TUBGCP2: variants seen among roughly 807,000 people sequenced by gnomAD.
The protein encoded by TUBGCP2 is tubulin gamma complex component 2.
Under a neutral mutation model 92.2 loss-of-function variants are expected in TUBGCP2, and 55 were observed. That is an observed-to-expected ratio of 0.60 (90% CI 0.48 to 0.75). TUBGCP2 has a LOEUF of 0.75. TUBGCP2 is among the 30% of genes least tolerant of loss of function. The probability of loss-of-function intolerance (pLI) is 0.00; values close to 1 mark genes in which losing one functional copy is unlikely to be tolerated. For missense variants in TUBGCP2, 1,093 were observed against 1,188.9 expected (o/e 0.92, Z 1.19); for synonymous variants, 533 against 505.2 (o/e 1.06, Z -0.74).
intron 15 of TUBGCP2, among the ~76,000 whole-genome samples, chr10:133,282,723 G>A (rs1163192561): frequency 3.3e-5 from 5 of 152,354 alleles, no homozygotes; most frequent in African/African-American, 1.2e-4. Context: ...ACCATCGCCA[G>A]TCGGCAGCTG....
At position 133,289,830 on chromosome 10, in the gene TUBGCP2, T is replaced by G; in HGVS notation, c.1354A>C (p.Ser452Arg). The G allele has an allele frequency of 2.3e-6, 1 of 426,234 alleles. No individual in the cohort carries two copies. The highest frequency in any genetic ancestry group is 3.3e-6 in the Non-Finnish European group (1 of 305,926). The allele number at this position is 426,234 out of a possible 1,614,324, so 26.4% of individuals were successfully genotyped here. A position where few individuals can be genotyped will look rare whatever the true frequency, so the allele number is the denominator to read the frequency against. Residue 452 changes from serine (S) to arginine (R), a missense_variant, in exon 9 of 18, where the codon AGC becomes CGC. Ser to Arg is a moderately radical substitution (Grantham distance 110, BLOSUM62 -1). This residue lies in a region of TUBGCP2 where 598 missense variants were observed against 675.5 expected (regional missense o/e 0.89). Coordinates refer to ENST00000252936, the MANE Select transcript of TUBGCP2 (RefSeq NM_006659.4). ...CCCGCCCGCTGCGCCGCACCTGTGC[T>G]GAGGATCTTGTCCGCCATTTTCTGC... is the stretch of plus-strand genomic sequence containing the variant. ...FLQKMADKIL[S>R]TGKYLNVVRE...
intron 7 of TUBGCP2, 44 bp from the exon 8 acceptor site, chr10:133,292,732 GC>G: frequency 6.4e-7 from 1 of 1,574,750 alleles, no homozygotes; most frequent in Non-Finnish European, 8.6e-7. Context: ...GGAAGCGCAC[GC>G]CCAGCCTCTG....
At position 133,293,585 on chromosome 10, in the gene TUBGCP2, G is replaced by A. The variant is rs572042790; in HGVS notation, c.801C>T (p.Ala267=). The A allele has an allele frequency of 8.3e-5, 129 of 1,553,768 alleles. No homozygotes were observed. Among genetic ancestry groups the A allele is most frequent in the African/African-American group, 1.4e-4 (10 of 73,396 alleles). Residue 267 remains alanine, a synonymous_variant, in exon 6 of 18, where the codon GCC becomes GCT. Transcript: ENST00000252936. ...RELVHRILPV[A]ASYSAVTRFI... ...ACCTGGTCACAGCGGAGTAGCTGGC[G>A]GCCACTGGGAGGATCCTGTGCACCA...
At chr10:133,283,781 A>C (rs1485435509) in intron 14 of TUBGCP2, 101 bp downstream of exon 14, 2 of 1,539,062 alleles carry the variant, frequency 1.3e-6, no homozygotes, top group African/African-American at 1.4e-5. Context: ...CCTCTCCTGC[A>C]CTCCCTGCCT....
At chr10:133,300,401 C>A in intron 2 of TUBGCP2, 1 of 261,948 alleles carries the variant, frequency 3.8e-6, no homozygotes, top group East Asian at 8.3e-5. Flanking sequence ...AATAACAAAA[C>A]CCCATTTCTA....
At chr10:133,307,446 G>C (rs1847851823) in intron 1 of TUBGCP2, among the ~76,000 whole-genome samples, 1 of 152,198 alleles carries the variant, frequency 6.6e-6, no homozygotes, top group African/African-American at 2.4e-5. Context: ...TGTACAAATT[G>C]GTTTGAAAAA....
At position 133,289,023 on chromosome 10, in the gene TUBGCP2, G is replaced by GAA. The variant is rs1847206994; in HGVS notation, c.1361-5_1361-4dup. On this transcript the variant is annotated splice_region_variant and splice_polypyrimidine_tract_variant and intron_variant, in intron 9 of 17. Coordinates refer to ENST00000252936, the MANE Select transcript of TUBGCP2 (RefSeq NM_006659.4). The stretch of plus-strand genomic sequence containing the variant: ...TCTGACCACATTTAGATATTTTCCT[G>GAA]AAAACACAGAAATTCAAAATTTTAT... 6.2e-7 allele frequency: 1 copy of GAA among 1,605,024 alleles called. No individual in the cohort carries two copies. The highest frequency in any genetic ancestry group is 1.3e-5 in the African/African-American group (1 of 74,560).
At position 133,279,683 on chromosome 10, in the gene TUBGCP2, A is replaced by G. The variant is rs1349704644; in HGVS notation, c.*83T>C. 35 of 1,457,862 alleles carry G rather than the reference A, an allele frequency of 2.4e-5. No homozygotes were observed. The highest frequency in any genetic ancestry group is 2.5e-5 in the Non-Finnish European group (27 of 1,101,294). The allele number at this position is 1,457,862 out of a possible 1,614,324, so 90.3% of individuals were successfully genotyped here. On this transcript the variant is annotated 3_prime_UTR_variant, in exon 18 of 18. Transcript: ENST00000252936. ...TATTTAAACTGCAAAGACAGAACAC[A>G]GAGCATTCGATTTGAAAATTCTGGA...
At chr10:133,294,252 C>T (rs778665344) in intron 5 of TUBGCP2, among the ~76,000 whole-genome samples, 44 of 152,356 alleles carry the variant, frequency 2.9e-4, no homozygotes, top group African/African-American at 7.0e-4. Flanking sequence ...CTCACGAGGA[C>T]GGCCACGGGC....
chr10:133,310,843 C>G (rs1484703771), upstream of TUBGCP2, among the ~76,000 whole-genome samples: 4 of 151,962 alleles, frequency 2.6e-5, no homozygotes, highest in Admixed American at 1.3e-4. Flanking sequence ...GCTCTGACAC[C>G]CAGGCTGGAG....
chr10:133,308,935 C>G, upstream of TUBGCP2: 1 of 1,222,774 alleles, frequency 8.2e-7, no homozygotes, highest in Non-Finnish European at 1.0e-6. Flanking sequence ...CCCGCCCGCG[C>G]CCGGGGTGAT....
At chr10:133,281,902 G>A (rs143481608) in intron 16 of TUBGCP2, among the ~76,000 whole-genome samples, 353 of 152,386 alleles carry the variant, frequency 2.3e-3, no homozygotes, top group African/African-American at 7.5e-3. Context: ...CTGAGAGCCT[G>A]ACGGTTCTAA....
chr10:133,288,730 A>G, intron 10 of TUBGCP2, 110 bp downstream of exon 10: 4 of 1,293,002 alleles, frequency 3.1e-6, no homozygotes, highest in Non-Finnish European at 4.2e-6. Flanking sequence ...CACTTTCAAA[A>G]AGACAAGGCG....
At chr10:133,300,306 T>A in intron 2 of TUBGCP2, 193 bp from the exon 3 acceptor site, 1 of 669,654 alleles carries the variant, frequency 1.5e-6, no homozygotes, top group Non-Finnish European at 2.4e-6. Context: ...AGCTAGGCAG[T>A]GGCTCATGAC....
At chr10:133,297,555 T>C (rs1847519348) in intron 5 of TUBGCP2, among the ~76,000 whole-genome samples, 1 of 152,228 alleles carries the variant, frequency 6.6e-6, no homozygotes. Context: ...AGAATACTGC[T>C]GTAACAGAAT....
Position 133,293,031 on chromosome 10 carries a change from G to A in TUBGCP2, c.1024+8C>T, listed in dbSNP as rs1193604375. ...CCACTGCCCCATGCCCCCCGGGCGG[G>A]CACGCACCGAGGGAGGCCAGGATGT... On this transcript the variant is annotated splice_region_variant and intron_variant, in intron 7 of 17. Coordinates refer to ENST00000252936, the MANE Select transcript of TUBGCP2 (RefSeq NM_006659.4). 6.2e-7 allele frequency: 1 copy of A among 1,611,934 alleles called. No homozygotes were observed. The highest frequency in any genetic ancestry group is 2.2e-5 in the East Asian group (1 of 44,864).
chr10:133,285,251 T>G lies in TUBGCP2; in HGVS notation c.1896-38A>C. On this transcript the variant is annotated intron_variant, in intron 12 of 17. Coordinates refer to ENST00000252936, the MANE Select transcript of TUBGCP2 (RefSeq NM_006659.4). The surrounding 1 kb of genome is among the most constrained non-coding windows in gnomAD (Gnocchi z 6.8). ...TGGCGGCACCTCAGGTGGGCCTCCGTGACCGGCGGCGTCGTGGACACGGCG... is the reference window on the plus strand; with the variant it reads ...TGGCGGCACCTCAGGTGGGCCTCCGGGACCGGCGGCGTCGTGGACACGGCG... 1 of 1,608,780 alleles carries G rather than the reference T, an allele frequency of 6.2e-7. No homozygotes were observed. The highest frequency in any genetic ancestry group is 1.3e-5 in the African/African-American group (1 of 75,066).
Position 133,298,120 on chromosome 10 carries a change from G to A in TUBGCP2, c.457-9C>T, listed in dbSNP as rs765282874. The A allele has an allele frequency of 2.5e-6, 4 of 1,609,576 alleles. No individual in the cohort carries two copies. Among genetic ancestry groups the A allele is most frequent in the African/African-American group, 1.3e-5 (1 of 74,686 alleles). ...CTTTTAAGTTCCAGAGACTAGCAAG[G>A]ACATTTTAAAAAACAAAACCAGAAA... On this transcript the variant is annotated splice_polypyrimidine_tract_variant and intron_variant, in intron 4 of 17. Coordinates refer to ENST00000252936, the MANE Select transcript of TUBGCP2 (RefSeq NM_006659.4).
intron 10 of TUBGCP2, 112 bp downstream of exon 10, chr10:133,288,728 A>G: frequency 7.7e-7 from 1 of 1,291,238 alleles, no homozygotes; most frequent in Non-Finnish European, 1.0e-6. Flanking sequence ...CCCACTTTCA[A>G]AAAGACAAGG....
Sources: allele counts gnomAD v4.1 joint callset (sites outside exome capture counted in the v4.1 genomes callset), GRCh38; gene constraint gnomAD v4.1.1; regional missense constraint gnomAD v4.1.1; non-coding constraint Gnocchi (gnomAD v3.1); transcripts MANE v1.5; gene names NCBI Gene and HGNC (gene_info 2026-07-23, HGNC 2026-07-21).